Variants in RAB11FIP5 observed in about 807,000 individuals in gnomAD.
RAB11FIP5 encodes RAB11 family interacting protein 5, also known as rab11 family-interacting protein 5.
RAB11FIP5 carries 48 observed loss-of-function variants against 85.1 expected under a neutral mutation model. The ratio of observed to expected loss-of-function variants is 0.56; its 90% CI spans 0.45 to 0.72. The LOEUF is 0.72. RAB11FIP5 is among the 30% of genes least tolerant of loss of function. The pLI is 0.00. For synonymous variants in RAB11FIP5, 729 were observed against 727.3 expected (o/e 1.00, Z -0.04); for missense variants, 1,491 against 1,687.0 (o/e 0.88, Z 2.04).
intron 1 of RAB11FIP5, among the ~76,000 whole-genome samples, chr2:73,093,783 C>T (rs993992482): frequency 2.0e-5 from 3 of 152,216 alleles, no homozygotes; most frequent in Non-Finnish European, 4.4e-5. Flanking sequence ...TGACGCCGAT[C>T]GCTCTGCCTA....
intron 1 of RAB11FIP5, among the ~76,000 whole-genome samples, chr2:73,098,441 G>T (rs1354716524): frequency 6.6e-6 from 1 of 152,232 alleles, no homozygotes; most frequent in African/African-American, 2.4e-5. Flanking sequence ...AATGGCCTAT[G>T]CGTGGAGCGC....
intron 1 of RAB11FIP5, among the ~76,000 whole-genome samples, chr2:73,098,086 C>T (rs1020298845): frequency 2.2e-4 from 34 of 152,194 alleles, no homozygotes; most frequent in African/African-American, 8.0e-4. Flanking sequence ...GCATGGACTT[C>T]GGTGCCAGGC....
chr2:73,098,300 T>G (rs1309332833), intron 1 of RAB11FIP5, among the ~76,000 whole-genome samples: 2 of 152,252 alleles, frequency 1.3e-5, no homozygotes, highest in African/African-American at 4.8e-5. Context: ...AAATGGTCAC[T>G]GGAGCATTTT....
intron 1 of RAB11FIP5, among the ~76,000 whole-genome samples, chr2:73,111,041 A>G (rs1684646650): frequency 6.6e-6 from 1 of 151,952 alleles, no homozygotes; most frequent in African/African-American, 2.4e-5. Context: ...CAAGCTATAT[A>G]CCACATGATC....
At position 73,073,983 on chromosome 2, in the gene RAB11FIP5, T is replaced by A. The variant is rs1428765067; in HGVS notation, c.*1538A>T. 3 of 152,182 alleles carry A rather than the reference T, an allele frequency of 2.0e-5. No individual in the cohort carries two copies. In the East Asian group the frequency reaches 5.8e-4, roughly 29 times the overall value. The allele number at this position is 152,182 out of a possible 1,614,324, so 9.4% of individuals were successfully genotyped here. Reference sequence around the variant, plus strand: ...TGCCTCCTCACTAAGCTGTTAAGTATCCTTCTTCAGCACCTCATCACCCCC... The same window carrying A: ...TGCCTCCTCACTAAGCTGTTAAGTAACCTTCTTCAGCACCTCATCACCCCC... On this transcript the variant is annotated 3_prime_UTR_variant, in exon 6 of 6. Transcript: ENST00000486777.
Position 73,081,095 on chromosome 2 carries a change from T to TTCCTCC in RAB11FIP5, c.2131_2136dup (p.Gly711_Gly712dup), listed in dbSNP as rs72344675. 72 of 1,229,906 alleles carry TTCCTCC rather than the reference T, an allele frequency of 5.9e-5. 1 individual carries two copies. In the Middle Eastern group the frequency reaches 9.2e-4, roughly 16 times the overall value. The allele number at this position is 1,229,906 out of a possible 1,614,324, so 76.2% of individuals were successfully genotyped here. A position where few individuals can be genotyped will look rare whatever the true frequency, so the allele number is the denominator to read the frequency against. On this transcript the variant is annotated inframe_insertion, in exon 4 of 6. Coordinates refer to ENST00000486777, the MANE Select transcript of RAB11FIP5 (RefSeq NM_001371272.1). This position sits in a 1 kb window ranked among gnomAD's most constrained non-coding sequence, Gnocchi z 4.2. The stretch of plus-strand genomic sequence containing the variant: ...TCCAGCCACACGCTGCTCCCACCTC[T>TTCCTCC]TCCTCCTCCTCCTCCTCCTCCTCCT...
In RAB11FIP5 at chr2:73,079,188, T is replaced by C. The variant is rs578240162; in HGVS notation, c.3581+463A>G. 1.3e-3 allele frequency among the ~76,000 whole-genome samples: 199 copies of C among 152,202 alleles called. 2 individuals are homozygous for C. The highest frequency in any genetic ancestry group is 6.8e-3 in the Middle Eastern group (2 of 294). On this transcript the variant is annotated intron_variant, in intron 4 of 5. Transcript: ENST00000486777. ...AGCCTGCACCCTCACTCTAGCAGAA[T>C]AGGAAACTGCTCAAGGCTCCACTGC...
intron 1 of RAB11FIP5, among the ~76,000 whole-genome samples, chr2:73,096,224 T>C (rs1684316293): frequency 6.6e-6 from 1 of 152,184 alleles, no homozygotes; most frequent in South Asian, 2.1e-4. Context: ...CAGCCCTAGT[T>C]ACTCCTGCTG....
chr2:73,080,754 G>A lies in RAB11FIP5; in HGVS notation c.2478C>T (p.Val826=), dbSNP rs910419909. 4 of 1,232,426 alleles carry A rather than the reference G, an allele frequency of 3.2e-6. No individual in the cohort carries two copies. The highest frequency in any genetic ancestry group is 3.1e-5 in the African/African-American group (2 of 64,412). 76.3% of individuals were successfully genotyped at this position (1,232,426 alleles called of 1,614,324 possible). Residue 826 remains valine, a synonymous_variant, in exon 4 of 6, where the codon GTC becomes GTT. Transcript: ENST00000486777. ...AAGGCCAGGCATCATCAGCTGTCTC[G>A]ACGTCAGGGCAAAGCTGATTTTCGC... is the stretch of plus-strand genomic sequence containing the variant. ...SRGENQLCPD[V]ETADDAWPWD... is the part of the protein sequence containing the mutation.
chr2:73,092,107 C>T (rs1050874852), intron 1 of RAB11FIP5, among the ~76,000 whole-genome samples: 1 of 152,220 alleles, frequency 6.6e-6, no homozygotes. Flanking sequence ...CCAGTGACCA[C>T]CGTGGGCCTG....
At position 73,075,778 on chromosome 2, in the gene RAB11FIP5, C is replaced by CTGCCTGCCCGCT. The variant is rs1683846210; in HGVS notation, c.3772-55_3772-54insAGCGGGCAGGCA. On this transcript the variant is annotated intron_variant, in intron 5 of 5. Transcript: ENST00000486777. This position sits in a 1 kb window ranked among gnomAD's most constrained non-coding sequence, Gnocchi z 4.6. ...GGCAGCCCTAGGCCTGCCTGCCTGC[C>CTGCCTGCCCGCT]TGCCCGCTTGCCCGCCCGCCCGCCT... The CTGCCTGCCCGCT allele has an allele frequency of 2.6e-6, 4 of 1,531,178 alleles. No individual in the cohort carries two copies. The South Asian group carries it at 5.0e-5, about 19-fold the overall frequency. The allele number at this position is 1,531,178 out of a possible 1,614,324, so 94.8% of individuals were successfully genotyped here.
chr2:73,078,769 C>T lies in RAB11FIP5; in HGVS notation c.3581+882G>A, dbSNP rs1683909343. Reference sequence around the variant, plus strand: ...TGCTCTCCCCTCCCTTCACTCGGTCCTCCTAGAGCGCTATCGTCCCAGAGG... The same window carrying T: ...TGCTCTCCCCTCCCTTCACTCGGTCTTCCTAGAGCGCTATCGTCCCAGAGG... On this transcript the variant is annotated intron_variant, in intron 4 of 5. Transcript: ENST00000486777. This position sits in a 1 kb window ranked among gnomAD's most constrained non-coding sequence, Gnocchi z 4.4. Among the ~76,000 whole-genome samples, 1 of 152,198 alleles carries T rather than the reference C, an allele frequency of 6.6e-6. No individual in the cohort carries two copies. Among genetic ancestry groups the T allele is most frequent in the African/African-American group, 2.4e-5 (1 of 41,432 alleles).
At chr2:73,099,763 G>A (rs1346660926) in intron 1 of RAB11FIP5, among the ~76,000 whole-genome samples, 1 of 152,204 alleles carries the variant, frequency 6.6e-6, no homozygotes, top group East Asian at 1.9e-4. Flanking sequence ...ACAGTCCCCA[G>A]TTTCCCTGGG....
chr2:73,109,424 C>T (rs990015866), intron 1 of RAB11FIP5, among the ~76,000 whole-genome samples: 3 of 152,224 alleles, frequency 2.0e-5, no homozygotes, highest in African/African-American at 7.2e-5. Context: ...GGTGTCTTAT[C>T]TAATCTGTAC....
At position 73,078,983 on chromosome 2, in the gene RAB11FIP5, G is replaced by A. The variant is rs944826543; in HGVS notation, c.3581+668C>T. On this transcript the variant is annotated intron_variant, in intron 4 of 5. Transcript: ENST00000486777. This position sits in a 1 kb window ranked among gnomAD's most constrained non-coding sequence, Gnocchi z 4.4. ...CCACTCAGCGGTCCTAAGTGCATCA[G>A]AACCACCCCTTAAAAGGCACCAAAC... 3.3e-5 allele frequency among the ~76,000 whole-genome samples: 5 copies of A among 152,206 alleles called. No individual in the cohort carries two copies. The highest frequency in any genetic ancestry group is 1.2e-4 in the African/African-American group (5 of 41,436).
chr2:73,095,135 G>A (rs529989706), intron 1 of RAB11FIP5, among the ~76,000 whole-genome samples: 2 of 152,184 alleles, frequency 1.3e-5, no homozygotes, highest in South Asian at 4.2e-4. Flanking sequence ...TCTCTGTCAG[G>A]GGCACCATCT....
At chr2:73,100,435 T>G (rs1177281240) in intron 1 of RAB11FIP5, among the ~76,000 whole-genome samples, 1 of 150,470 alleles carries the variant, frequency 6.6e-6, no homozygotes, top group Non-Finnish European at 1.5e-5. Context: ...GTTTTTTTTT[T>G]TTTTTTTTGA....
Position 73,075,256 on chromosome 2 carries a change from C to CAGAGTT in RAB11FIP5, c.*264_*265insAACTCT. On this transcript the variant is annotated 3_prime_UTR_variant, in exon 6 of 6. Coordinates refer to ENST00000486777, the MANE Select transcript of RAB11FIP5 (RefSeq NM_001371272.1). This position sits in a 1 kb window ranked among gnomAD's most constrained non-coding sequence, Gnocchi z 4.6. The stretch of plus-strand genomic sequence containing the variant: ...GGGGAAGAGTTCCAATTCCCTGGGG[C>CAGAGTT]CCCCAAAGCTGAGGGATATGAAAAC... 5 of 691,098 alleles carry CAGAGTT rather than the reference C, an allele frequency of 7.2e-6. No individual in the cohort carries two copies. In the South Asian group the frequency reaches 7.5e-5, roughly 10 times the overall value. The allele number at this position is 691,098 out of a possible 1,614,324, so 42.8% of individuals were successfully genotyped here. A position where few individuals can be genotyped will look rare whatever the true frequency, so the allele number is the denominator to read the frequency against.
Position 73,089,162 on chromosome 2 carries a change from G to A in RAB11FIP5, c.585C>T (p.Asp195=), listed in dbSNP as rs745742432. 2 of 1,614,226 alleles carry A rather than the reference G, an allele frequency of 1.2e-6. No homozygotes were observed. The highest frequency in any genetic ancestry group is 1.1e-5 in the South Asian group (1 of 91,092). Reference sequence around the variant, plus strand: ...CATACTTCTTCTTGCCCTTCATCTTGTCCCTGATCTTGCTGAAGGGAGACC... The same window carrying A: ...CATACTTCTTCTTGCCCTTCATCTTATCCCTGATCTTGCTGAAGGGAGACC... ...KPRSPFSKIR[D]KMKGKKKYDL... Residue 195 remains aspartate, a synonymous_variant, in exon 2 of 6, where the codon GAC becomes GAT. Transcript: ENST00000486777. This position sits in a 1 kb window ranked among gnomAD's most constrained non-coding sequence, Gnocchi z 4.6.
Sources: gnomAD v4.1 joint callset for allele counts (sites outside exome capture counted in the v4.1 genomes callset) on GRCh38, gnomAD v4.1.1 for gene constraint, Gnocchi (gnomAD v3.1) non-coding constraint, MANE v1.5 for transcripts, NCBI Gene and HGNC (gene_info 2026-07-23, HGNC 2026-07-21) for gene names.